The following DSP variants were observed in gnomAD, a reference collection of about 807,000 sequenced individuals.
DSP encodes 250/210 kDa paraneoplastic pemphigus antigen.
DSP carries 114 observed loss-of-function variants against 290.6 expected under a neutral mutation model. The observed-to-expected ratio is 0.39, with a 90% CI of 0.34 to 0.46. The LOEUF is 0.46. Among genes scored for constraint, DSP ranks in the 20% least tolerant of loss-of-function variants. DSP has a pLI of 0.99. For missense variants in DSP, 3,230 were observed against 3,495.8 expected, an observed-to-expected ratio of 0.92 and a Z score of 1.92; for synonymous variants, 1,311 against 1,316.4, an observed-to-expected ratio of 1.00 and a Z score of 0.09.
chr6:7,568,504 T>C lies in DSP; in HGVS notation c.1334T>C (p.Ile445Thr). The part of the protein sequence containing the change: ...VQNLVNKSKK[I>T]VQLKPRNPDY... ...AACTTGGTAAACAAGTCTAAGAAGA[T>C]TGTACAGCTGAAGCCTCGTAACCCA... The change falls in exon 11 of 24, where the codon ATT (isoleucine) becomes ACT (threonine). Residue 445 changes from isoleucine to threonine, a missense_variant. Physicochemically the swap from Ile to Thr is moderately conservative, Grantham distance 89. This residue lies in a region of DSP where 646 missense variants were observed against 684.3 expected (regional missense o/e 0.94). Transcript: ENST00000379802. 1 of 1,614,124 alleles carries C rather than the reference T, an allele frequency of 6.2e-7. No individual in the cohort carries two copies. Among genetic ancestry groups the C allele is most frequent in the African/African-American group, 1.3e-5 (1 of 75,046 alleles).
intron 11 of DSP, 100 bp downstream of exon 11, chr6:7,568,689 C>T: frequency 7.7e-7 from 1 of 1,294,026 alleles, no homozygotes; most frequent in South Asian, 1.2e-5. Context: ...TCAATAATCA[C>T]CACAGTCAAT....
chr6:7,574,333 C>T (rs867668333), intron 16 of DSP, 81 bp downstream of exon 16: 1 of 1,403,174 alleles, frequency 7.1e-7, no homozygotes, highest in Non-Finnish European at 1.0e-6. Flanking sequence ...TAGATGCTTG[C>T]CTTACAGTTT....
At chr6:7,563,674 C>T in intron 5 of DSP, 62 bp from the exon 6 acceptor site, 4 of 1,381,178 alleles carry the variant, frequency 2.9e-6, no homozygotes, top group Middle Eastern at 1.8e-4. Context: ...CTTAGAAGGG[C>T]CACTCTTTTC....
Position 7,584,178 on chromosome 6 carries a change from A to G in DSP, c.6916A>G (p.Ser2306Gly), listed in dbSNP as rs1198151285. The G allele has an allele frequency of 1.2e-6, 2 of 1,614,218 alleles. No individual in the cohort carries two copies. Among genetic ancestry groups the G allele is most frequent in the South Asian group, 2.2e-5 (2 of 91,082 alleles). Residue 2306 changes from serine to glycine, a missense_variant, in exon 24 of 24, where the codon AGC (serine) becomes GGC (glycine). Ser to Gly is a moderately conservative substitution (Grantham distance 56). Transcript: ENST00000379802. The surrounding 1 kb of genome is among the most constrained non-coding windows in gnomAD (Gnocchi z 6.4). Reference protein sequence around the residue: ...AATGFIVDPVSNLRLPVEEAY... With the variant: ...AATGFIVDPVGNLRLPVEEAY... ...TACTGGCTTTATAGTGGATCCTGTT[A>G]GCAACTTGAGGTTACCAGTGGAGGA...
At position 7,584,863 on chromosome 6, in the gene DSP, T is replaced by C. The variant is rs762461187; in HGVS notation, c.7601T>C (p.Ile2534Thr). The C allele has an allele frequency of 6.2e-7, 1 of 1,614,204 alleles. No homozygotes were observed. Among genetic ancestry groups the C allele is most frequent in the South Asian group, 1.1e-5 (1 of 91,092 alleles). Residue 2534 changes from isoleucine to threonine, a missense_variant, in exon 24 of 24, where the codon ATT becomes ACT. By Grantham distance (89) the Ile-to-Thr change is moderately conservative. This residue lies in a region of DSP where 582 missense variants were observed against 555.4 expected (regional missense o/e 1.05). Transcript: ENST00000379802. The surrounding 1 kb of genome is among the most constrained non-coding windows in gnomAD (Gnocchi z 6.4). ...TGSQYDIQDA[I>T]DKGLVDRKFF... ...AGTCAGTATGATATTCAAGATGCTA[T>C]TGACAAGGGCCTTGTTGACAGGAAG... is the stretch of plus-strand genomic sequence containing the variant.
rs555992606 is a variant in DSP, at chr6:7,585,401, G to A, written c.8139G>A (p.Val2713=). The part of the protein sequence containing the change: ...GKKKMSAAEA[V]KEKWLPYEAG... ...AGAAGATGTCAGCAGCAGAGGCAGT[G>A]AAAGAAAAATGGCTCCCGTATGAGG... Residue 2713 remains valine (V), a synonymous_variant, in exon 24 of 24, where the codon GTG becomes GTA. Transcript: ENST00000379802. 2 of 1,614,136 alleles carry A rather than the reference G, an allele frequency of 1.2e-6. No individual in the cohort carries two copies. The highest frequency in any genetic ancestry group is 2.7e-5 in the African/African-American group (2 of 75,048).
In DSP at chr6:7,580,721, C is replaced by T. The variant is rs397516940; in HGVS notation, c.4531C>T (p.Gln1511Ter). The stretch of plus-strand genomic sequence containing the variant: ...TGAAAACGCGAGATTACAAAGGGTC[C>T]AGTATGACCTGCAGAAAGCAAACAG... ...EDENARLQRV[Q>*]YDLQKANSSA... is the part of the protein sequence containing the mutation. The change falls in exon 23 of 24, where the codon CAG becomes TAG. Residue 1511 changes from glutamine (Q) to a stop codon, truncating the protein, a stop_gained. Transcript: ENST00000379802. LOFTEE classifies it high-confidence loss of function. The surrounding 1 kb of genome is among the most constrained non-coding windows in gnomAD (Gnocchi z 4.2). 5.6e-6 allele frequency: 9 copies of T among 1,613,826 alleles called. No individual in the cohort carries two copies. The highest frequency in any genetic ancestry group is 8.5e-7 in the Non-Finnish European group (1 of 1,179,970).
chr6:7,559,496 A>G, intron 4 of DSP, 96 bp downstream of exon 4: 1 of 1,509,482 alleles, frequency 6.6e-7, no homozygotes, highest in African/African-American at 1.4e-5. Flanking sequence ...AGTCTTCTAG[A>G]CCTCAGGTGG....
At chr6:7,550,173 A>G (rs553122478) in intron 1 of DSP, among the ~76,000 whole-genome samples, 1 of 151,392 alleles carries the variant, frequency 6.6e-6, no homozygotes, top group East Asian at 1.9e-4. Context: ...CAGCCTCCCG[A>G]GTAGCTGGGA....
intron 12 of DSP, 72 bp downstream of exon 12, chr6:7,569,412 T>A: frequency 3.1e-6 from 5 of 1,607,970 alleles, no homozygotes; most frequent in Non-Finnish European, 4.3e-6. Flanking sequence ...GGCAGGTGTT[T>A]ATACCTGAAG....
intron 15 of DSP, among the ~76,000 whole-genome samples, chr6:7,573,172 A>G (rs1016697899): frequency 5.9e-5 from 9 of 151,944 alleles, no homozygotes; most frequent in African/African-American, 2.2e-4. Context: ...GTGTGTGTGT[A>G]TATATCTTAA....
chr6:7,543,201 G>T (rs1447612994), intron 1 of DSP, among the ~76,000 whole-genome samples: 2 of 151,986 alleles, frequency 1.3e-5, no homozygotes, highest in Non-Finnish European at 2.9e-5. Context: ...GGGCTTTTGG[G>T]AAAGAGGCCC....
In DSP at chr6:7,565,635, C is replaced by T; in HGVS notation, c.939+115C>T. ...ATTTAATCAGCCACTTGCAATTCAG[C>T]CTTCTTTGAAATGGTCGTGAAAAAT... On this transcript the variant is annotated intron_variant, in intron 7 of 23. Coordinates refer to ENST00000379802, the MANE Select transcript of DSP (RefSeq NM_004415.4). The surrounding 1 kb of genome is among the most constrained non-coding windows in gnomAD (Gnocchi z 4.2). 1 of 1,388,740 alleles carries T rather than the reference C, an allele frequency of 7.2e-7. No homozygotes were observed. The highest frequency in any genetic ancestry group is 1.0e-6 in the Non-Finnish European group (1 of 996,890). 86.0% of individuals were successfully genotyped at this position (1,388,740 alleles called of 1,614,324 possible).
chr6:7,547,306 C>T (rs1160483080), intron 1 of DSP, among the ~76,000 whole-genome samples: 1 of 151,984 alleles, frequency 6.6e-6, no homozygotes, highest in Non-Finnish European at 1.5e-5. Context: ...TATGGCTCAC[C>T]ACCGACACCT....
Position 7,580,493 on chromosome 6 carries a change from G to C in DSP, c.4303G>C (p.Ala1435Pro), listed in dbSNP as rs751972271. ...RVEEDIQQQK[A>P]TGSEVSQRKQ... Reference sequence around the variant, plus strand: ...GGAAGAAGACATCCAACAGCAAAAGGCCACTGGCTCTGAGGTGTCTCAGAG... The same window carrying C: ...GGAAGAAGACATCCAACAGCAAAAGCCCACTGGCTCTGAGGTGTCTCAGAG... The change falls in exon 23 of 24, where the codon GCC becomes CCC. Residue 1435 changes from alanine (A) to proline (P), a missense_variant. By Grantham distance (27) the Ala-to-Pro change is conservative (BLOSUM62 -1). Transcript: ENST00000379802. The surrounding 1 kb of genome is among the most constrained non-coding windows in gnomAD (Gnocchi z 4.2). The C allele has an allele frequency of 1.2e-5, 20 of 1,614,064 alleles. No individual in the cohort carries two copies. Among genetic ancestry groups the C allele is most frequent in the Non-Finnish European group, 1.7e-5 (20 of 1,180,022 alleles).
intron 1 of DSP, among the ~76,000 whole-genome samples, chr6:7,542,909 T>A (rs145381179): frequency 1.4e-5 from 2 of 146,910 alleles, no homozygotes; most frequent in Non-Finnish European, 3.0e-5. Flanking sequence ...GCCGCATGTC[T>A]GCTTTGATCC....
Position 7,542,082 on chromosome 6 carries a change from A to G in DSP, c.167A>G (p.Tyr56Cys). Residue 56 changes from tyrosine to cysteine, a missense_variant, in exon 1 of 24, where the codon TAC becomes TGC. Around this residue, in one of 5 missense-constraint regions of DSP, gnomAD observed 646 missense variants for 684.3 expected, o/e 0.94. Transcript: ENST00000379802. ...ATCACCGACCAGAACTCGGACGGCT[A>G]CTGGTGGGTACCTGCCCGGAGAGCG... ...GVITDQNSDG[Y>C]CQTGTMSRHQ... is the part of the protein sequence containing the mutation. 1 of 1,559,376 alleles carries G rather than the reference A, an allele frequency of 6.4e-7. No individual in the cohort carries two copies. The highest frequency in any genetic ancestry group is 8.7e-7 in the Non-Finnish European group (1 of 1,151,908).
At chr6:7,578,591 T>C in intron 22 of DSP, 29 bp downstream of exon 22, 1 of 1,522,906 alleles carries the variant, frequency 6.6e-7, no homozygotes, top group Admixed American at 1.7e-5. Flanking sequence ...TCTTGTAGCG[T>C]CAAAAAAGAA....
In DSP at chr6:7,584,379, G is replaced by A. The variant is rs373965771; in HGVS notation, c.7117G>A (p.Ala2373Thr). The A allele has an allele frequency of 1.7e-5, 27 of 1,613,912 alleles. No individual in the cohort carries two copies. Among genetic ancestry groups the A allele is most frequent in the African/African-American group, 4.0e-5 (3 of 74,892 alleles). Residue 2373 changes from alanine to threonine, a missense_variant, in exon 24 of 24, where the codon GCA becomes ACA. Transcript: ENST00000379802. The surrounding 1 kb of genome is among the most constrained non-coding windows in gnomAD (Gnocchi z 6.4). Reference sequence around the variant, plus strand: ...TATTCGCTTATTAGAAGCACAGATCGCAACCGGGGGGATCATTGACCCAAA... The same window carrying A: ...TATTCGCTTATTAGAAGCACAGATCACAACCGGGGGGATCATTGACCCAAA... Reference protein sequence around the residue: ...HGIRLLEAQIATGGIIDPKES... With the variant: ...HGIRLLEAQITTGGIIDPKES...
Sources: gnomAD v4.1 joint callset for allele counts (sites outside exome capture counted in the v4.1 genomes callset) on GRCh38, gnomAD v4.1.1 for gene constraint, gnomAD v4.1.1 regional missense constraint, Gnocchi (gnomAD v3.1) non-coding constraint, MANE v1.5 for transcripts, NCBI Gene and HGNC (gene_info 2026-07-23, HGNC 2026-07-21) for gene names.